The following TENM3 variants were observed in gnomAD, a reference collection of about 807,000 sequenced individuals.
The protein encoded by TENM3 is teneurin transmembrane protein 3.
In TENM3, 63 loss-of-function variants were observed where a neutral mutation model predicts 255.1. The ratio of observed to expected loss-of-function variants is 0.25; its 90% CI spans 0.20 to 0.30. The LOEUF is 0.30. TENM3 is among the 10% of genes least tolerant of loss of function. TENM3 has a pLI of 1.00. For missense variants in TENM3, 2,929 were observed against 3,461.1 expected, an observed-to-expected ratio of 0.85 and a Z score of 3.86; for synonymous variants, 1,306 against 1,322.3, an observed-to-expected ratio of 0.99 and a Z score of 0.27.
chr4:182,363,537 TA>T (rs377063302), intron 3 of TENM3, among the ~76,000 whole-genome samples: 2,066 of 151,002 alleles, frequency 0.014, 18 homozygotes, highest in Non-Finnish European at 0.021. Flanking sequence ...TTCTTTTGCT[TA>T]AAAAAAAATG....
intron 1 of TENM3, among the ~76,000 whole-genome samples, chr4:182,180,848 T>TAAACAA: frequency 6.6e-6 from 1 of 152,008 alleles, no homozygotes; most frequent in African/African-American, 2.4e-5. Flanking sequence ...CTTTAATTTC[T>TAAACAA]TTCATTAAAA....
In TENM3 at chr4:182,719,407, G is replaced by A. The variant is rs142307084; in HGVS notation, c.2368+5174G>A. ...CTCCCGAGTAGCTGGGACTATAGGC[G>A]CCCACCACCACGCCCTGCTAATTTT... is the stretch of plus-strand genomic sequence containing the variant. On this transcript the variant is annotated intron_variant, in intron 13 of 27. Transcript: ENST00000511685. Among the ~76,000 whole-genome samples the A allele has an allele frequency of 5.0e-3, 753 of 151,534 alleles. 5 individuals are homozygous for A. The highest frequency in any genetic ancestry group is 0.017 in the African/African-American group (693 of 41,342).
At chr4:181,506,954 G>T in the TENM3 span, among the ~76,000 whole-genome samples, 2 of 152,096 alleles carry the variant, frequency 1.3e-5, no homozygotes, top group Non-Finnish European at 2.9e-5. Context: ...ATAGCAACAG[G>T]CAGCATTACA....
At chr4:181,561,434 CA>C in the TENM3 span, among the ~76,000 whole-genome samples, 2 of 152,102 alleles carry the variant, frequency 1.3e-5, no homozygotes, top group African/African-American at 4.8e-5. Flanking sequence ...TTCCTGATTA[CA>C]AAATATGGCA....
At chr4:181,724,756 G>A in the TENM3 span, among the ~76,000 whole-genome samples, 1 of 152,122 alleles carries the variant, frequency 6.6e-6, no homozygotes, top group Non-Finnish European at 1.5e-5. Context: ...TTTAAGGAAG[G>A]TATACTGACT....
chr4:181,894,500 C>T, the TENM3 span, among the ~76,000 whole-genome samples: 3 of 152,096 alleles, frequency 2.0e-5, no homozygotes, highest in Admixed American at 2.0e-4. Context: ...TAAGTAAGAA[C>T]TTATTTGAAG....
At chr4:182,517,618 C>T (rs564627732) in intron 3 of TENM3, among the ~76,000 whole-genome samples, 4 of 150,546 alleles carry the variant, frequency 2.7e-5, no homozygotes, top group South Asian at 4.2e-4. Flanking sequence ...CTCCTGACCT[C>T]GTGATCCGCC....
the TENM3 span, among the ~76,000 whole-genome samples, chr4:181,810,072 A>T: frequency 6.6e-6 from 1 of 152,154 alleles, no homozygotes; most frequent in South Asian, 2.1e-4. Flanking sequence ...AGGTGGCTCG[A>T]GGTAAATAAA....
chr4:182,046,549 A>AAATAATAAT, the TENM3 span, among the ~76,000 whole-genome samples: 108 of 143,110 alleles, frequency 7.5e-4, 1 homozygote, highest in East Asian at 3.8e-3. Flanking sequence ...ACAAAAAACT[A>AAATAATAAT]AATAATAATA....
rs146632038 is a variant in TENM3, at chr4:182,265,669, G to T, written c.-76+22193G>T. On this transcript the variant is annotated intron_variant, in intron 1 of 27. Coordinates refer to ENST00000511685, the MANE Select transcript of TENM3 (RefSeq NM_001080477.4). ...ATCCAACTAAAAAATTTAAAAACTGGCAAATAAAACATCTTACAACTATTG... is the reference window on the plus strand; with the variant it reads ...ATCCAACTAAAAAATTTAAAAACTGTCAAATAAAACATCTTACAACTATTG... 5.3e-5 allele frequency among the ~76,000 whole-genome samples: 8 copies of T among 152,162 alleles called. No homozygotes were observed. In the East Asian group the frequency reaches 1.2e-3, roughly 22 times the overall value.
Position 182,600,919 on chromosome 4 carries a change from TTCAG to T in TENM3, c.512-4_512-1del. On this transcript the variant is annotated splice_acceptor_variant and splice_polypyrimidine_tract_variant and intron_variant, in intron 3 of 27. Transcript: ENST00000511685. LOFTEE classifies it high-confidence loss of function. ...TTTCTTTTTTTTTTTTTTTTTTTTT[TTCAG>T]AGCAACCTGCAAGCAATCAAGGCCA... 17 of 1,339,290 alleles carry T rather than the reference TTCAG, an allele frequency of 1.3e-5. No homozygotes were observed. The highest frequency in any genetic ancestry group is 1.6e-5 in the Non-Finnish European group (16 of 984,818). The allele number at this position is 1,339,290 out of a possible 1,614,324, so 83.0% of individuals were successfully genotyped here.
intron 8 of TENM3, 111 bp downstream of exon 8, chr4:182,679,987 C>T: frequency 2.1e-6 from 2 of 938,284 alleles, no homozygotes; most frequent in Non-Finnish European, 3.2e-6. Flanking sequence ...TGTTAAAGCC[C>T]AGGTAAAATG....
chr4:182,761,759 C>G (rs909149703), intron 22 of TENM3, among the ~76,000 whole-genome samples: 1 of 152,066 alleles, frequency 6.6e-6, no homozygotes, highest in African/African-American at 2.4e-5. Flanking sequence ...CACTTAAAAT[C>G]ATGGGAAAAT....
the TENM3 span, among the ~76,000 whole-genome samples, chr4:181,885,320 TGGTGAGATGTC>T: frequency 6.6e-6 from 1 of 152,200 alleles, no homozygotes; most frequent in African/African-American, 2.4e-5. Context: ...TGGAGTGAAG[TGGTGAGATGTC>T]GGCTCACTGC....
At chr4:182,184,943 C>T (rs1034771437) in intron 1 of TENM3, among the ~76,000 whole-genome samples, 1 of 151,916 alleles carries the variant, frequency 6.6e-6, no homozygotes, top group Non-Finnish European at 1.5e-5. Context: ...AATAGCTGGG[C>T]ATGGTGGTGG....
At chr4:181,605,172 G>A in the TENM3 span, among the ~76,000 whole-genome samples, 3 of 151,814 alleles carry the variant, frequency 2.0e-5, no homozygotes, top group Non-Finnish European at 2.9e-5. Flanking sequence ...ACCAGCCGGC[G>A]TGGTGGCTCA....
chr4:181,516,462 G>T, the TENM3 span, among the ~76,000 whole-genome samples: 1 of 151,366 alleles, frequency 6.6e-6, no homozygotes, highest in Non-Finnish European at 1.5e-5. Context: ...TGAAGAGCTA[G>T]ATACTTAGTC....
chr4:182,404,952 G>A (rs1429255400), intron 3 of TENM3, among the ~76,000 whole-genome samples: 2 of 152,200 alleles, frequency 1.3e-5, no homozygotes, highest in African/African-American at 4.8e-5. Flanking sequence ...TCCCTTGGAA[G>A]GCAATTGTCT....
At chr4:181,698,415 C>T in the TENM3 span, among the ~76,000 whole-genome samples, 111,264 of 151,752 alleles carry the variant, frequency 0.73, 41,272 homozygotes, top group Admixed American at 0.84. Flanking sequence ...TGCCAACAAA[C>T]TTTTCCATAG....
Sources: gnomAD v4.1 joint callset for allele counts (sites outside exome capture counted in the v4.1 genomes callset) on GRCh38, gnomAD v4.1.1 for gene constraint, MANE v1.5 for transcripts, NCBI Gene and HGNC (gene_info 2026-07-23, HGNC 2026-07-21) for gene names.